GATA3: variants seen among roughly 807,000 people sequenced by gnomAD.
GATA3 encodes the protein trans-acting T-cell-specific transcription factor GATA-3.
GATA3 carries 6 observed loss-of-function variants against 36.0 expected under a neutral mutation model. The observed-to-expected ratio is 0.17, with a 90% CI of 0.09 to 0.33. GATA3 has a LOEUF of 0.33. GATA3 is among the 10% of genes least tolerant of loss of function. The pLI, the probability that GATA3 is intolerant of heterozygous loss-of-function variation, is 1.00. For synonymous variants in GATA3, 326 were observed against 273.0 expected (o/e 1.19, Z -1.92); for missense variants, 514 against 610.1 (o/e 0.84, Z 1.66).
At position 8,067,689 on chromosome 10, in the gene GATA3, G is replaced by T. The variant is rs1157820179; in HGVS notation, c.925-1784G>T. Among the ~76,000 whole-genome samples, 5 of 139,958 alleles carry T rather than the reference G, an allele frequency of 3.6e-5. No individual in the cohort carries two copies. The South Asian group carries it at 1.1e-3, about 31-fold the overall frequency. The allele number at this position is 139,958 out of a possible 152,430, so 91.8% of individuals were successfully genotyped here. ...AAAAAATTAGCTGGGGCGGTGGCGGGCGCCTGTAGTCCCAGCTACTTGGGA... is the reference window on the plus strand; with the variant it reads ...AAAAAATTAGCTGGGGCGGTGGCGGTCGCCTGTAGTCCCAGCTACTTGGGA... On this transcript the variant is annotated intron_variant, in intron 4 of 5. Transcript: ENST00000379328.
intron 3 of GATA3, among the ~76,000 whole-genome samples, chr10:8,061,054 G>A (rs1832739107): frequency 7.6e-6 from 1 of 132,430 alleles, no homozygotes; most frequent in Non-Finnish European, 1.7e-5. Flanking sequence ...GATTCTCTTG[G>A]TTTTAGTGGT....
chr10:8,067,214 A>C (rs1832856308), intron 4 of GATA3, among the ~76,000 whole-genome samples: 2 of 152,238 alleles, frequency 1.3e-5, no homozygotes, highest in Admixed American at 1.3e-4. Context: ...GGGTTAGATC[A>C]GCACTCATGG....
At position 8,063,991 on chromosome 10, in the gene GATA3, A is replaced by T. The variant is rs2131500275; in HGVS notation, c.779-2A>T. 6.2e-7 allele frequency: 1 copy of T among 1,614,170 alleles called. No individual in the cohort carries two copies. Among genetic ancestry groups the T allele is most frequent in the Non-Finnish European group, 8.5e-7 (1 of 1,180,036 alleles). On this transcript the variant is annotated splice_acceptor_variant, in intron 3 of 5. Coordinates refer to ENST00000379328, the MANE Select transcript of GATA3 (RefSeq NM_001002295.2). LOFTEE classifies it high-confidence loss of function. The stretch of plus-strand genomic sequence containing the variant: ...GTGGCTTATCTGTGCTTTTGTTTCC[A>T]GAAGGCAGGGAGTGTGTGAACTGTG...
At chr10:8,070,346 T>G (rs1176222193) in intron 5 of GATA3, among the ~76,000 whole-genome samples, 1 of 152,152 alleles carries the variant, frequency 6.6e-6, no homozygotes, top group Non-Finnish European at 1.5e-5. Context: ...TCCTCTCATT[T>G]TGTAACATAT....
intron 3 of GATA3, among the ~76,000 whole-genome samples, chr10:8,059,112 C>A (rs1832705864): frequency 1.3e-5 from 2 of 152,198 alleles, no homozygotes; most frequent in East Asian, 3.9e-4. Flanking sequence ...CAAAGTCATG[C>A]CCTCTTCTGC....
intron 2 of GATA3, 128 bp from the exon 3 acceptor site, chr10:8,058,177 G>A (rs1832674895): frequency 9.9e-7 from 1 of 1,013,696 alleles, no homozygotes; most frequent in Non-Finnish European, 1.5e-6. Flanking sequence ...GAGAGAGTGG[G>A]CCTGAGCCCG....
At position 8,046,648 on chromosome 10, in the gene GATA3, AGTGTGTGTGTGTGT is replaced by A. The variant is rs55947422; in HGVS notation, c.-370+1164_-370+1177del. ...ATGCTTGGGGGCCCAAATGGCTGGC[AGTGTGTGTGTGTGT>A]GTGTGTGTGTGTGTGTGTGTGTGTG... On this transcript the variant is annotated intron_variant, in intron 1 of 1. Transcript: ENST00000643001. Among the ~76,000 whole-genome samples the A allele has an allele frequency of 5.5e-3, 757 of 137,868 alleles. 12 individuals are homozygous for A. Among genetic ancestry groups the A allele is most frequent in the African/African-American group, 0.019 (689 of 36,190 alleles). The allele number at this position is 137,868 out of a possible 152,430, so 90.4% of individuals were successfully genotyped here. A position where few individuals can be genotyped will look rare whatever the true frequency, so the allele number is the denominator to read the frequency against.
chr10:8,066,748 G>A (rs981164855), intron 4 of GATA3, among the ~76,000 whole-genome samples: 1 of 152,168 alleles, frequency 6.6e-6, no homozygotes, highest in African/African-American at 2.4e-5. Context: ...CTAGTGAGAG[G>A]CTGAGCTGCT....
chr10:8,058,916 G>T, intron 3 of GATA3, 75 bp downstream of exon 3: 2 of 1,445,104 alleles, frequency 1.4e-6, no homozygotes, highest in East Asian at 4.6e-5. Context: ...CGCACCCAGA[G>T]GGACCCCTCA....
chr10:8,069,464 CA>C lies in GATA3; in HGVS notation c.925-8del. On this transcript the variant is annotated splice_polypyrimidine_tract_variant and splice_region_variant and intron_variant, in intron 4 of 5. Coordinates refer to ENST00000379328, the MANE Select transcript of GATA3 (RefSeq NM_001002295.2). ...TTGATTTCACCCTCTCCTCTCTCCCCACTCTCAGTCTGCAGCCAGGAGAGCA... is the reference window on the plus strand; with the variant it reads ...TTGATTTCACCCTCTCCTCTCTCCCCCTCTCAGTCTGCAGCCAGGAGAGCA... 6.2e-7 allele frequency: 1 copy of C among 1,613,282 alleles called. No homozygotes were observed.
intron 3 of GATA3, among the ~76,000 whole-genome samples, chr10:8,062,513 A>AC (rs1832766626): frequency 6.6e-6 from 1 of 151,586 alleles, no homozygotes; most frequent in African/African-American, 2.4e-5. Context: ...CCAAGTGTGA[A>AC]CCCCCCTAGT....
rs1447835740 is a variant in GATA3, at chr10:8,058,849, C to T, written c.778+8C>T. 2 of 1,601,060 alleles carry T rather than the reference C, an allele frequency of 1.2e-6. No individual in the cohort carries two copies. Among genetic ancestry groups the T allele is most frequent in the Non-Finnish European group, 1.7e-6 (2 of 1,179,650 alleles). ...AGGCCCGGTCCAGCACAGGTAGGAG[C>T]CAGCTCTTCCCTGGAGCCTTTTCTC... On this transcript the variant is annotated splice_region_variant and intron_variant, in intron 3 of 5. Coordinates refer to ENST00000379328, the MANE Select transcript of GATA3 (RefSeq NM_001002295.2).
rs11567939 is a variant in GATA3, at chr10:8,072,913, G to A, written c.1051-826G>A. On this transcript the variant is annotated intron_variant, in intron 5 of 5. Coordinates refer to ENST00000379328, the MANE Select transcript of GATA3 (RefSeq NM_001002295.2). Reference sequence around the variant, plus strand: ...TGCAATTCCAGCACTTTGGGAGGCCGAGGTGGGCAGATCACAATGTCGGGA... The same window carrying A: ...TGCAATTCCAGCACTTTGGGAGGCCAAGGTGGGCAGATCACAATGTCGGGA... 1.4e-3 allele frequency among the ~76,000 whole-genome samples: 213 copies of A among 152,164 alleles called. 1 individual carries two copies. The highest frequency in any genetic ancestry group is 4.9e-3 in the African/African-American group (202 of 41,528).
chr10:8,061,958 G>T (rs960823019), intron 3 of GATA3, among the ~76,000 whole-genome samples: 4 of 152,256 alleles, frequency 2.6e-5, no homozygotes, highest in Non-Finnish European at 5.9e-5. Flanking sequence ...TGGGGAGTGG[G>T]CCTGCAGTCC....
intron 3 of GATA3, among the ~76,000 whole-genome samples, chr10:8,060,282 G>A (rs1832725866): frequency 6.6e-6 from 1 of 152,224 alleles, no homozygotes; most frequent in South Asian, 2.1e-4. Context: ...ACCCAGACCT[G>A]CATGTTCAGT....
upstream of GATA3, among the ~76,000 whole-genome samples, chr10:8,049,890 A>G (rs560320329): frequency 6.6e-6 from 1 of 152,278 alleles, no homozygotes; most frequent in East Asian, 1.9e-4. Flanking sequence ...GAAGGAGGCC[A>G]GTTTTCACGG....
intron 1 of GATA3, among the ~76,000 whole-genome samples, chr10:8,048,463 G>A (rs1397349788): frequency 1.3e-5 from 2 of 152,224 alleles, no homozygotes; most frequent in Non-Finnish European, 2.9e-5. Context: ...CCCCTGGGAC[G>A]GAGGAGAGGT....
In GATA3 at chr10:8,055,970, C is replaced by T. The variant is rs1832629386; in HGVS notation, c.241+74C>T. The T allele has an allele frequency of 1.9e-6, 3 of 1,539,028 alleles. No homozygotes were observed. The highest frequency in any genetic ancestry group is 2.5e-5 in the East Asian group (1 of 40,752). ...CCGGCTCGGGGAGGTCGGGAGGGAC[C>T]TGAGGGCGGGGAGAGGTCAAGCGAA... On this transcript the variant is annotated intron_variant, in intron 2 of 5. Coordinates refer to ENST00000379328, the MANE Select transcript of GATA3 (RefSeq NM_001002295.2). The surrounding 1 kb of genome is among the most constrained non-coding windows in gnomAD (Gnocchi z 5.4).
intron 2 of GATA3, among the ~76,000 whole-genome samples, chr10:8,056,634 C>A (rs1162384546): frequency 2.0e-5 from 3 of 152,074 alleles, no homozygotes; most frequent in Non-Finnish European, 4.4e-5. Context: ...GCTTTCAAGT[C>A]GCCTCCTTGC....
Sources: allele counts gnomAD v4.1 joint callset (sites outside exome capture counted in the v4.1 genomes callset), GRCh38; gene constraint gnomAD v4.1.1; non-coding constraint Gnocchi (gnomAD v3.1); transcripts MANE v1.5; gene names NCBI Gene and HGNC (gene_info 2026-07-23, HGNC 2026-07-21).